The following NBEAL2 variants were observed in gnomAD, a reference collection of about 807,000 sequenced individuals.
NBEAL2 encodes the protein neurobeachin like 2, also known as neurobeachin-like protein 2.
NBEAL2 carries 160 observed loss-of-function variants against 299.8 expected under a neutral mutation model. That is an observed-to-expected ratio of 0.53 (90% CI 0.47 to 0.61). The LOEUF is 0.61. Ranked by LOEUF, NBEAL2 falls within the 20% of genes least tolerant of loss-of-function variation. The pLI, the probability that NBEAL2 is intolerant of heterozygous loss-of-function variation, is 0.00. For missense variants in NBEAL2, 3,112 were observed against 3,649.0 expected (o/e 0.85, Z 3.79); for synonymous variants, 1,493 against 1,542.3 (o/e 0.97, Z 0.75).
rs1248071147 is a variant in NBEAL2 at position 47,000,379 on chromosome 3, A to G, written c.4280A>G (p.Asp1427Gly). ...SLPEPTISGD[D>G]TSNTSNPQQT... ...CCGGAGCCCACCATTAGCGGGGATG[A>G]TACCTCGAACACCAGCAACCCACAG... is the stretch of plus-strand genomic sequence containing the variant. The change falls in exon 27 of 54, where the codon GAT becomes GGT. Residue 1427 changes from aspartate to glycine, a missense_variant. Asp to Gly is a moderately conservative substitution (Grantham distance 94, BLOSUM62 -1). Around this residue, in one of 3 missense-constraint regions of NBEAL2, gnomAD observed 2,243 missense variants for 2,538.1 expected, o/e 0.88. Coordinates refer to ENST00000450053, the MANE Select transcript of NBEAL2 (RefSeq NM_015175.3). The surrounding 1 kb of genome is among the most constrained non-coding windows in gnomAD (Gnocchi z 4.5). 1 of 1,580,748 alleles carries G rather than the reference A, an allele frequency of 6.3e-7. No individual in the cohort carries two copies. Among genetic ancestry groups the G allele is most frequent in the Non-Finnish European group, 8.6e-7 (1 of 1,160,536 alleles).
In NBEAL2 at chr3:47,009,475, C is replaced by A. The variant is rs886058609; in HGVS notation, c.*155C>A. The A allele has an allele frequency of 1.3e-4, 94 of 745,956 alleles. No individual in the cohort carries two copies. In the East Asian group the frequency reaches 2.6e-3, roughly 20 times the overall value. The allele number at this position is 745,956 out of a possible 1,614,324, so 46.2% of individuals were successfully genotyped here. ...CAGGGATTGGCGGGCGATGTTACCC[C>A]CTCAGGGATTGGCGGGCGGAAGTCC... On this transcript the variant is annotated 3_prime_UTR_variant, in exon 54 of 54. Coordinates refer to ENST00000450053, the MANE Select transcript of NBEAL2 (RefSeq NM_015175.3).
chr3:46,993,140 C>T (rs1007218458), intron 10 of NBEAL2, among the ~76,000 whole-genome samples: 11 of 152,338 alleles, frequency 7.2e-5, no homozygotes, highest in Non-Finnish European at 1.5e-4. Flanking sequence ...GTGTTCACCG[C>T]ATGTGGTCAT....
chr3:46,994,585 A>T, intron 12 of NBEAL2, 32 bp downstream of exon 12: 1 of 1,535,446 alleles, frequency 6.5e-7, no homozygotes, highest in Non-Finnish European at 8.8e-7. Flanking sequence ...CAGGGTCCCA[A>T]AGGCAACCAG....
At chr3:46,993,893 C>T (rs1230404793) in intron 10 of NBEAL2, 44 bp from the exon 11 acceptor site, 7 of 1,544,588 alleles carry the variant, frequency 4.5e-6, no homozygotes, top group African/African-American at 1.4e-5. Flanking sequence ...CCAGCTGTGA[C>T]ACCCTGGCCC....
In NBEAL2 at chr3:46,989,829, C is replaced by T. The variant is rs2035959796; in HGVS notation, c.556+236C>T. The stretch of plus-strand genomic sequence containing the variant: ...CAACCTGCCTACCCAGATTTCTCAT[C>T]CTCTTTCCCCGCCATCTCCTGGATC... On this transcript the variant is annotated intron_variant, in intron 6 of 53. Coordinates refer to ENST00000450053, the MANE Select transcript of NBEAL2 (RefSeq NM_015175.3). This position sits in a 1 kb window ranked among gnomAD's most constrained non-coding sequence, Gnocchi z 5.5. 6.6e-6 allele frequency among the ~76,000 whole-genome samples: 1 copy of T among 152,116 alleles called. No homozygotes were observed. The highest frequency in any genetic ancestry group is 2.4e-5 in the African/African-American group (1 of 41,392).
At position 47,009,335 on chromosome 3, in the gene NBEAL2, G is replaced by C; in HGVS notation, c.*15G>C. On this transcript the variant is annotated 3_prime_UTR_variant, in exon 54 of 54. Coordinates refer to ENST00000450053, the MANE Select transcript of NBEAL2 (RefSeq NM_015175.3). ...AGGCGCGCTGAACCTGGCCAGTCCG[G>C]CTGCTCGGGCCCCGCCCCCGGCAGG... The C allele has an allele frequency of 6.4e-7, 1 of 1,570,854 alleles. No homozygotes were observed.
Position 46,995,526 on chromosome 3 carries a change from A to G in NBEAL2, c.1791A>G (p.Arg597=). ...MAGIMVPPVQ[R]WPGPGFTFHA... ...GCATCATGGTACCCCCTGTACAGCGATGGCCAGGGCCTGGCTTCACCTTTC... is the reference window on the plus strand; with the variant it reads ...GCATCATGGTACCCCCTGTACAGCGGTGGCCAGGGCCTGGCTTCACCTTTC... Residue 597 remains arginine (R), a synonymous_variant, in exon 13 of 54, where the codon CGA becomes CGG. Transcript: ENST00000450053. 6.2e-7 allele frequency: 1 copy of G among 1,612,852 alleles called. No individual in the cohort carries two copies. Among genetic ancestry groups the G allele is most frequent in the East Asian group, 2.2e-5 (1 of 44,882 alleles).
In NBEAL2 at chr3:47,008,094, C is replaced by A; in HGVS notation, c.7627C>A (p.Pro2543Thr). Residue 2543 changes from proline (P) to threonine (T), a missense_variant, in exon 50 of 54, where the codon CCA becomes ACA. By Grantham distance (38) the Pro-to-Thr change is conservative. Coordinates refer to ENST00000450053, the MANE Select transcript of NBEAL2 (RefSeq NM_015175.3). ...GGGTGGTCTGTCAGTAGGCCTGGCA[C>A]CAAAGCCTGTGCAGGTCCTGTATGG... ...HQGGLSVGLA[P>T]KPVQVLYGHG... 1 of 1,613,996 alleles carries A rather than the reference C, an allele frequency of 6.2e-7. No homozygotes were observed. The highest frequency in any genetic ancestry group is 8.5e-7 in the Non-Finnish European group (1 of 1,179,884).
At position 47,009,302 on chromosome 3, in the gene NBEAL2, C is replaced by A; in HGVS notation, c.8247C>A (p.Asn2749Lys). The A allele has an allele frequency of 6.3e-7, 1 of 1,599,654 alleles. No individual in the cohort carries two copies. Among genetic ancestry groups the A allele is most frequent in the South Asian group, 1.1e-5 (1 of 88,358 alleles). ...SQVSSGETEY[N>K]PTEAR ...TGTCCTCGGGAGAGACGGAATACAA[C>A]CCTACTGAGGCGCGCTGAACCTGGC... is the stretch of plus-strand genomic sequence containing the variant. Residue 2749 changes from asparagine (N) to lysine (K), a missense_variant, in exon 54 of 54, where the codon AAC becomes AAA. Asn to Lys is a moderately conservative substitution (Grantham distance 94). Around this residue, in one of 3 missense-constraint regions of NBEAL2, gnomAD observed 348 missense variants for 381.4 expected, o/e 0.91. Coordinates refer to ENST00000450053, the MANE Select transcript of NBEAL2 (RefSeq NM_015175.3).
Position 46,998,440 on chromosome 3 carries a change from G to GC in NBEAL2, c.3119-20dup, listed in dbSNP as rs775111832. 3 of 1,601,674 alleles carry GC rather than the reference G, an allele frequency of 1.9e-6. No individual in the cohort carries two copies. The Admixed American group carries it at 5.1e-5, about 27-fold the overall frequency. On this transcript the variant is annotated intron_variant, in intron 21 of 53. Coordinates refer to ENST00000450053, the MANE Select transcript of NBEAL2 (RefSeq NM_015175.3). ...GGCCCAGCTCAGCCTAGTGGCCTGA[G>GC]CCCTCTGCTCATTCCCGCTCAGGTC...
In NBEAL2 at chr3:47,001,908, T is replaced by C. The variant is rs778444628; in HGVS notation, c.4783-12T>C. On this transcript the variant is annotated splice_polypyrimidine_tract_variant and intron_variant, in intron 30 of 53. Coordinates refer to ENST00000450053, the MANE Select transcript of NBEAL2 (RefSeq NM_015175.3). The surrounding 1 kb of genome is among the most constrained non-coding windows in gnomAD (Gnocchi z 6.1). Reference sequence around the variant, plus strand: ...AGTGGCTGGGTGCCACTCATCTCTCTTGCGCCCACAGCTGCATGCCCAGGC... The same window carrying C: ...AGTGGCTGGGTGCCACTCATCTCTCCTGCGCCCACAGCTGCATGCCCAGGC... The C allele has an allele frequency of 6.2e-7, 1 of 1,605,614 alleles. No homozygotes were observed. The highest frequency in any genetic ancestry group is 1.7e-5 in the Admixed American group (1 of 59,864).
intron 42 of NBEAL2, 29 bp from the exon 43 acceptor site, chr3:47,005,917 T>A: frequency 1.2e-6 from 2 of 1,612,744 alleles, no homozygotes; most frequent in South Asian, 2.2e-5. Context: ...CAGCTGTCCC[T>A]GCACTGATTG....
intron 10 of NBEAL2, among the ~76,000 whole-genome samples, chr3:46,993,726 C>T (rs2036272296): frequency 6.6e-6 from 1 of 152,130 alleles, no homozygotes; most frequent in Non-Finnish European, 1.5e-5. Context: ...TAGAGTGGGT[C>T]TTGCTGAGCT....
chr3:46,996,578 C>T lies in NBEAL2; in HGVS notation c.2459C>T (p.Thr820Ile), dbSNP rs989781236. Residue 820 changes from threonine (T) to isoleucine (I), a missense_variant, in exon 16 of 54, where the codon ACC becomes ATC. By Grantham distance (89) the Thr-to-Ile change is moderately conservative. Around this residue, in one of 3 missense-constraint regions of NBEAL2, gnomAD observed 2,243 missense variants for 2,538.1 expected, o/e 0.88. Coordinates refer to ENST00000450053, the MANE Select transcript of NBEAL2 (RefSeq NM_015175.3). ...GCCCTGCAGGCGACGGCTCTGAGGA[C>T]CCTGTGCACCCTGGGTATGCAGCAT... ...HEALQATALR[T>I]LCTLGPNETA... 31 of 1,530,308 alleles carry T rather than the reference C, an allele frequency of 2.0e-5. No individual in the cohort carries two copies. Among genetic ancestry groups the T allele is most frequent in the Admixed American group, 1.0e-4 (5 of 49,980 alleles). 94.8% of individuals were successfully genotyped at this position (1,530,308 alleles called of 1,614,324 possible).
chr3:47,005,743 G>T lies in NBEAL2; in HGVS notation c.6697G>T (p.Asp2233Tyr), dbSNP rs2107443352. The T allele has an allele frequency of 6.2e-7, 1 of 1,613,260 alleles. No homozygotes were observed. The highest frequency in any genetic ancestry group is 1.1e-5 in the South Asian group (1 of 91,046). ...GACCCAGTCCTCTGTGCCAGGTTTT[G>T]ACCTGGGCTGTCTCCAGCTGACCAA... ...PDFLENQNGF[D>Y]LGCLQLTNEK... Residue 2233 changes from aspartate (D) to tyrosine (Y), a missense_variant, in exon 42 of 54, where the codon GAC becomes TAC. Coordinates refer to ENST00000450053, the MANE Select transcript of NBEAL2 (RefSeq NM_015175.3).
chr3:46,995,358 A>G lies in NBEAL2; in HGVS notation c.1623A>G (p.Pro541=), dbSNP rs201989305. ...TGCGTCACCTGCTGCGCCCCCGGCC[A>G]GGATTGGACTCGGAACCAGGCGGAG... ...MELRHLLRPR[P]GLDSEPGGAE... The change falls in exon 13 of 54, where the codon CCA becomes CCG. Residue 541 remains proline, a synonymous_variant. Transcript: ENST00000450053. 41 of 1,611,610 alleles carry G rather than the reference A, an allele frequency of 2.5e-5. No homozygotes were observed. The highest frequency in any genetic ancestry group is 1.6e-4 in the Middle Eastern group (1 of 6,078).
At position 46,995,725 on chromosome 3, in the gene NBEAL2, G is replaced by A; in HGVS notation, c.1910G>A (p.Ser637Asn). 1 of 1,613,498 alleles carries A rather than the reference G, an allele frequency of 6.2e-7. No individual in the cohort carries two copies. The highest frequency in any genetic ancestry group is 8.5e-7 in the Non-Finnish European group (1 of 1,179,728). Reference protein sequence around the residue: ...QRKQLYSFFTSSGSGFEAFFT... With the variant: ...QRKQLYSFFTNSGSGFEAFFT... ...TTGCCTGCCCCCAGCTTCTTTACCAGCAGCGGCTCAGGGTTTGAGGCCTTC... is the reference window on the plus strand; with the variant it reads ...TTGCCTGCCCCCAGCTTCTTTACCAACAGCGGCTCAGGGTTTGAGGCCTTC... Residue 637 changes from serine (S) to asparagine (N), a missense_variant, in exon 14 of 54, where the codon AGC becomes AAC. By Grantham distance (46) the Ser-to-Asn change is conservative. Transcript: ENST00000450053.
intron 1 of NBEAL2, among the ~76,000 whole-genome samples, chr3:46,980,981 C>T (rs1405212542): frequency 1.3e-5 from 2 of 152,224 alleles, no homozygotes; most frequent in Non-Finnish European, 2.9e-5. Flanking sequence ...GGCTGGCCCA[C>T]TGTCTTCCAC....
At position 46,997,581 on chromosome 3, in the gene NBEAL2, G is replaced by A. The variant is rs372843909; in HGVS notation, c.2845G>A (p.Ala949Thr). ...KSSEERMERN[A>T]VAAFLLMLRN... is the part of the protein sequence containing the mutation. ...GGCAGAGGAACGGATGGAGAGGAACGCAGTGGCTGCTTTTCTGCTGATGCT... is the reference window on the plus strand; with the variant it reads ...GGCAGAGGAACGGATGGAGAGGAACACAGTGGCTGCTTTTCTGCTGATGCT... Residue 949 changes from alanine to threonine, a missense_variant, in exon 20 of 54, where the codon GCA (alanine) becomes ACA (threonine). Physicochemically the swap from Ala to Thr is moderately conservative, Grantham distance 58. This residue lies in a region of NBEAL2 where 2,243 missense variants were observed against 2,538.1 expected (regional missense o/e 0.88). Transcript: ENST00000450053. The A allele has an allele frequency of 2.8e-5, 44 of 1,598,922 alleles. No homozygotes were observed. The highest frequency in any genetic ancestry group is 1.0e-4 in the South Asian group (9 of 90,178).
Sources: gnomAD v4.1 joint callset for allele counts (sites outside exome capture counted in the v4.1 genomes callset) on GRCh38, gnomAD v4.1.1 for gene constraint, gnomAD v4.1.1 regional missense constraint, Gnocchi (gnomAD v3.1) non-coding constraint, MANE v1.5 for transcripts, NCBI Gene and HGNC (gene_info 2026-07-23, HGNC 2026-07-21) for gene names.